Variants in DMXL2 observed in about 807,000 individuals in gnomAD.
DMXL2 encodes Dmx like 2, also known as dmX-like protein 2.
In DMXL2, 103 loss-of-function variants were observed where a neutral mutation model predicts 331.1. The ratio of observed to expected loss-of-function variants is 0.31; its 90% CI spans 0.27 to 0.37. The LOEUF (loss-of-function observed/expected upper bound fraction) is 0.37. Ranked by LOEUF, DMXL2 falls within the 10% of genes least tolerant of loss-of-function variation. The probability of loss-of-function intolerance (pLI) is 1.00; values close to 1 mark genes in which losing one functional copy is unlikely to be tolerated. For synonymous variants in DMXL2, 1,281 were observed against 1,252.1 expected (o/e 1.02, Z -0.49); for missense variants, 3,171 against 3,642.9 (o/e 0.87, Z 3.33).
intron 9 of DMXL2, among the ~76,000 whole-genome samples, chr15:51,539,705 A>G (rs1262939224): frequency 6.6e-6 from 1 of 152,130 alleles, no homozygotes; most frequent in East Asian, 1.9e-4. Context: ...GCTACTCAGG[A>G]GGCTGAGGTG....
intron 19 of DMXL2, 101 bp downstream of exon 19, chr15:51,494,923 C>A: frequency 1.4e-6 from 1 of 700,302 alleles, no homozygotes; most frequent in Non-Finnish European, 2.4e-6. Flanking sequence ...GATAGGTGTG[C>A]ACGTAATGAC....
chr15:51,496,670 T>A (rs1281469432), intron 18 of DMXL2, among the ~76,000 whole-genome samples: 1 of 152,192 alleles, frequency 6.6e-6, no homozygotes, highest in African/African-American at 2.4e-5. Flanking sequence ...AGTTAGGAGA[T>A]GACAGGGACT....
intron 13 of DMXL2, among the ~76,000 whole-genome samples, chr15:51,524,539 C>T (rs189988972): frequency 1.6e-4 from 25 of 152,360 alleles, no homozygotes; most frequent in African/African-American, 5.0e-4. Flanking sequence ...ACCAACACCA[C>T]TCTTCTCCCA....
intron 36 of DMXL2, chr15:51,457,899 T>G (rs1228857835): frequency 6.4e-6 from 1 of 157,108 alleles, no homozygotes; most frequent in East Asian, 1.9e-4. Flanking sequence ...AAATGTGATA[T>G]TAAATCCTAG....
At chr15:51,538,743 A>G (rs1029128520) in intron 9 of DMXL2, among the ~76,000 whole-genome samples, 1 of 152,232 alleles carries the variant, frequency 6.6e-6, no homozygotes, top group Non-Finnish European at 1.5e-5. Flanking sequence ...AAAAGCAGCT[A>G]TAAAAGAGAT....
chr15:51,582,386 T>C (rs1363387902), intron 1 of DMXL2, among the ~76,000 whole-genome samples: 3 of 152,162 alleles, frequency 2.0e-5, no homozygotes, highest in Non-Finnish European at 4.4e-5. Context: ...TCTTTATTAA[T>C]TGCATTTAAA....
chr15:51,586,753 G>T (rs1392082769), intron 1 of DMXL2, among the ~76,000 whole-genome samples: 1 of 151,874 alleles, frequency 6.6e-6, no homozygotes, highest in Non-Finnish European at 1.5e-5. Flanking sequence ...ATATCTGAAA[G>T]GAAAATGAGA....
chr15:51,556,257 G>A (rs1429426040), intron 6 of DMXL2, among the ~76,000 whole-genome samples: 1 of 150,168 alleles, frequency 6.7e-6, no homozygotes. Context: ...GCAGGAGAAT[G>A]GCGTGAACCC....
chr15:51,491,881 T>A, intron 19 of DMXL2, 134 bp from the exon 20 acceptor site: 3 of 702,410 alleles, frequency 4.3e-6, no homozygotes, highest in Non-Finnish European at 6.6e-6. Flanking sequence ...AGGCAGTCTG[T>A]CATCATTCAG....
chr15:51,538,339 A>C lies in DMXL2; in HGVS notation c.1219T>G (p.Phe407Val). The C allele has an allele frequency of 6.2e-7, 1 of 1,613,898 alleles. No individual in the cohort carries two copies. Reference sequence around the variant, plus strand: ...GAAAGTTTTCGTAATTGATGCATAAATACTTCTGTAGATGATGTAAAATGA... The same window carrying C: ...GAAAGTTTTCGTAATTGATGCATAACTACTTCTGTAGATGATGTAAAATGA... ...EFHFTSSTEV[F>V]MHQLRKLSDK... Residue 407 changes from phenylalanine (F) to valine (V), a missense_variant, in exon 10 of 44, where the codon TTT becomes GTT. Transcript: ENST00000560891.
chr15:51,560,350 T>C (rs1393876895), intron 6 of DMXL2, among the ~76,000 whole-genome samples: 2 of 151,834 alleles, frequency 1.3e-5, no homozygotes, highest in East Asian at 1.9e-4. Context: ...TGAAACAAGA[T>C]TGGCTGAGTG....
chr15:51,599,080 T>A (rs1409127101), intron 1 of DMXL2, among the ~76,000 whole-genome samples: 1 of 152,200 alleles, frequency 6.6e-6, no homozygotes, highest in Non-Finnish European at 1.5e-5. Flanking sequence ...ATTCAAAGGG[T>A]TATAATCCAC....
At chr15:51,498,126 G>A (rs1031743049) in intron 18 of DMXL2, among the ~76,000 whole-genome samples, 1 of 152,152 alleles carries the variant, frequency 6.6e-6, no homozygotes, top group Admixed American at 6.6e-5. Flanking sequence ...TGTGGTCCCG[G>A]CTATTCAGGA....
intron 33 of DMXL2, among the ~76,000 whole-genome samples, chr15:51,462,711 T>C (rs1054752745): frequency 6.6e-6 from 1 of 152,144 alleles, no homozygotes; most frequent in Admixed American, 6.5e-5. Flanking sequence ...CCTCACTAAT[T>C]ACCTCACTAA....
intron 28 of DMXL2, 39 bp downstream of exon 28, chr15:51,474,305 T>A: frequency 1.3e-6 from 2 of 1,529,944 alleles, no homozygotes; most frequent in Non-Finnish European, 1.8e-6. Flanking sequence ...TCAAAATGAT[T>A]AACATTTACA....
chr15:51,613,922 C>A lies in DMXL2; in HGVS notation c.87+8537G>T, dbSNP rs541802090. ...ACCTCAATCATGTCTTTGCTAGGCT[C>A]CTCAATTTTCAATTCCAGGACCAGC... On this transcript the variant is annotated intron_variant, in intron 1 of 43. Coordinates refer to ENST00000560891, the MANE Select transcript of DMXL2 (RefSeq NM_001378457.1). Among the ~76,000 whole-genome samples, 3 of 152,298 alleles carry A rather than the reference C, an allele frequency of 2.0e-5. No homozygotes were observed. In the East Asian group the frequency reaches 5.8e-4, roughly 29 times the overall value.
chr15:51,468,722 T>C (rs1336626741), intron 29 of DMXL2, among the ~76,000 whole-genome samples: 1 of 152,190 alleles, frequency 6.6e-6, no homozygotes, highest in African/African-American at 2.4e-5. Context: ...ATAATAAATG[T>C]AGGCAAAGAT....
intron 16 of DMXL2, among the ~76,000 whole-genome samples, chr15:51,503,669 A>T (rs1596035534): frequency 1.3e-5 from 2 of 152,192 alleles, no homozygotes; most frequent in Admixed American, 1.3e-4. Context: ...GAATGACTAC[A>T]GTTAACAACA....
chr15:51,620,874 C>A (rs1383061591), intron 1 of DMXL2, among the ~76,000 whole-genome samples: 1 of 152,164 alleles, frequency 6.6e-6, no homozygotes, highest in African/African-American at 2.4e-5. Context: ...CAGGCTTTTC[C>A]AGGCTGCATC....
Sources: gnomAD v4.1 joint callset for allele counts (sites outside exome capture counted in the v4.1 genomes callset) on GRCh38, gnomAD v4.1.1 for gene constraint, MANE v1.5 for transcripts, NCBI Gene and HGNC (gene_info 2026-07-23, HGNC 2026-07-21) for gene names.